The following EFCAB13 variants were observed in gnomAD, a reference collection of about 807,000 sequenced individuals.
EFCAB13 encodes EF-hand calcium-binding domain-containing protein 13.
A neutral mutation model predicts 110.2 loss-of-function variants in EFCAB13; 91 were observed. That is an observed-to-expected ratio of 0.83 (90% CI 0.70 to 0.98). The LOEUF (loss-of-function observed/expected upper bound fraction) is 0.98, where lower values mean the gene tolerates loss of function less well. EFCAB13 is among the 50% of genes least tolerant of loss of function. The pLI is 0.00. For synonymous variants in EFCAB13, 323 were observed against 369.9 expected, an observed-to-expected ratio of 0.87 and a Z score of 1.45; for missense variants, 968 against 1,119.4, an observed-to-expected ratio of 0.86 and a Z score of 1.93.
At chr17:47,424,180 C>T (rs1904842542) in intron 23 of EFCAB13, among the ~76,000 whole-genome samples, 1 of 152,196 alleles carries the variant, frequency 6.6e-6, no homozygotes, top group Admixed American at 6.5e-5. Context: ...ACCGGAGGAG[C>T]CGGCGCCAGC....
chr17:47,402,511 A>G (rs1286093587), intron 18 of EFCAB13, among the ~76,000 whole-genome samples: 1 of 152,236 alleles, frequency 6.6e-6, no homozygotes, highest in African/African-American at 2.4e-5. Context: ...CAGTATCTAC[A>G]CATGTAATTT....
intron 14 of EFCAB13, among the ~76,000 whole-genome samples, chr17:47,391,044 A>G (rs753594555): frequency 1.3e-5 from 2 of 152,050 alleles, no homozygotes; most frequent in Non-Finnish European, 2.9e-5. Flanking sequence ...GGCTCAAGCA[A>G]TTCTCCTACC....
chr17:47,338,006 C>T (rs1349960792), intron 5 of EFCAB13, among the ~76,000 whole-genome samples: 2 of 152,040 alleles, frequency 1.3e-5, no homozygotes, highest in Non-Finnish European at 2.9e-5. Context: ...CTCTTTGGGC[C>T]TGATAATTTA....
chr17:47,333,076 T>C (rs1406663592), intron 4 of EFCAB13, among the ~76,000 whole-genome samples: 1 of 152,220 alleles, frequency 6.6e-6, no homozygotes, highest in African/African-American at 2.4e-5. Context: ...ACACTTGTTA[T>C]CCTTTGTCTT....
intron 11 of EFCAB13, among the ~76,000 whole-genome samples, chr17:47,373,250 T>A (rs1197377020): frequency 6.6e-6 from 1 of 152,192 alleles, no homozygotes; most frequent in Non-Finnish European, 1.5e-5. Context: ...ACTTTTCAGC[T>A]CTTGATTTTT....
At chr17:47,383,947 T>TAC (rs1467980292) in intron 14 of EFCAB13, among the ~76,000 whole-genome samples, 1 of 152,224 alleles carries the variant, frequency 6.6e-6, no homozygotes, top group Non-Finnish European at 1.5e-5. Context: ...TGTGAAATTC[T>TAC]CTCACTTTCA....
At chr17:47,409,899 A>G (rs557050040) in intron 21 of EFCAB13, among the ~76,000 whole-genome samples, 2 of 152,222 alleles carry the variant, frequency 1.3e-5, no homozygotes, top group Admixed American at 1.3e-4. Flanking sequence ...AAAATCCTCC[A>G]TGCCCTATCT....
Position 47,409,001 on chromosome 17 carries a change from A to G in EFCAB13, c.2234-646A>G, listed in dbSNP as rs1195842418. Among the ~76,000 whole-genome samples the G allele has an allele frequency of 2.6e-5, 4 of 152,240 alleles. No individual in the cohort carries two copies. In the East Asian group the frequency reaches 7.7e-4, roughly 29 times the overall value. On this transcript the variant is annotated intron_variant, in intron 20 of 24. Coordinates refer to ENST00000331493, the MANE Select transcript of EFCAB13 (RefSeq NM_152347.5). ...TATCCTGCTTAAAACAAAAATACAA[A>G]TTAAGGCAAATATAATTTATGTGTA...
At chr17:47,420,662 G>A (rs571779170) in intron 23 of EFCAB13, among the ~76,000 whole-genome samples, 3 of 149,498 alleles carry the variant, frequency 2.0e-5, no homozygotes, top group South Asian at 2.1e-4. Flanking sequence ...GGTGAGGAGC[G>A]TCTCTGCCCG....
chr17:47,412,192 G>A (rs1362264129), intron 21 of EFCAB13, among the ~76,000 whole-genome samples: 3 of 152,246 alleles, frequency 2.0e-5, no homozygotes, highest in South Asian at 2.1e-4. Context: ...GGACTGCCCC[G>A]TTTGGTTATG....
Position 47,440,576 on chromosome 17 carries a change from A to T in EFCAB13, c.2784A>T (p.Ile928=), listed in dbSNP as rs535306413. 3 of 1,613,366 alleles carry T rather than the reference A, an allele frequency of 1.9e-6. No homozygotes were observed. The South Asian group carries it at 3.3e-5, about 18-fold the overall frequency. ...CAGTGGTTTACATGTTAAAAACAAT[A>T]CAGGATTCGATAGTTAAAGCACAGG... ...RQAVVYMLKT[I]QDSIVKAQVS... is the part of the protein sequence containing the mutation. The change falls in exon 25 of 25, where the codon ATA becomes ATT. Residue 928 remains isoleucine (I), a synonymous_variant. Coordinates refer to ENST00000331493, the MANE Select transcript of EFCAB13 (RefSeq NM_152347.5).
rs781762550 is a variant in EFCAB13, at chr17:47,374,757, G to T, written c.1163G>T (p.Gly388Val). The part of the protein sequence containing the change: ...VGVQEPYSKN[G>V]INFKKHSEKG... ...GTCCAAGAACCATATTCAAAGAATG[G>T]CATAAACTTTAAAAAACATTCAGAG... Residue 388 changes from glycine to valine, a missense_variant, in exon 12 of 25, where the codon GGC becomes GTC. Gly to Val is a moderately radical substitution (Grantham distance 109). Coordinates refer to ENST00000331493, the MANE Select transcript of EFCAB13 (RefSeq NM_152347.5). 1 of 1,613,986 alleles carries T rather than the reference G, an allele frequency of 6.2e-7. No homozygotes were observed. The highest frequency in any genetic ancestry group is 2.2e-5 in the East Asian group (1 of 44,850).
At chr17:47,427,318 TA>T (rs774613626) in intron 23 of EFCAB13, among the ~76,000 whole-genome samples, 1 of 152,132 alleles carries the variant, frequency 6.6e-6, no homozygotes, top group Non-Finnish European at 1.5e-5. Flanking sequence ...GTTACCATAG[TA>T]ATTACTGTCT....
At chr17:47,407,530 C>T (rs2065811488) in intron 20 of EFCAB13, among the ~76,000 whole-genome samples, 1 of 151,998 alleles carries the variant, frequency 6.6e-6, no homozygotes, top group Non-Finnish European at 1.5e-5. Flanking sequence ...CTGTTTGTAG[C>T]ATTGAATGAG....
At chr17:47,440,405 T>A (rs56089045) in intron 24 of EFCAB13, 26 bp from the exon 25 acceptor site, 121,389 of 1,524,422 alleles carry the variant, frequency 0.08, 6,384 homozygotes, top group East Asian at 0.28. Context: ...TTCTTTCTTT[T>A]AAGTAAATTA....
intron 9 of EFCAB13, among the ~76,000 whole-genome samples, chr17:47,351,466 A>G (rs1322847676): frequency 6.6e-6 from 1 of 152,200 alleles, no homozygotes; most frequent in African/African-American, 2.4e-5. Context: ...TTGGGCATAT[A>G]TACCTAGTAG....
chr17:47,325,965 A>T, intron 2 of EFCAB13, among the ~76,000 whole-genome samples: 1 of 79,854 alleles, frequency 1.3e-5, no homozygotes, highest in Non-Finnish European at 2.5e-5. Flanking sequence ...TATATATAGC[A>T]TATATATATT....
chr17:47,365,392 C>T (rs2065540424), intron 10 of EFCAB13, among the ~76,000 whole-genome samples: 1 of 151,906 alleles, frequency 6.6e-6, no homozygotes, highest in Non-Finnish European at 1.5e-5. Context: ...TATCTTTTGA[C>T]CAGGAAAATA....
At chr17:47,336,272 G>C in intron 5 of EFCAB13, among the ~76,000 whole-genome samples, 1 of 150,788 alleles carries the variant, frequency 6.6e-6, no homozygotes, top group South Asian at 2.1e-4. Flanking sequence ...GACTACAGGC[G>C]TGCGCCGTCA....
Sources: allele counts gnomAD v4.1 joint callset (sites outside exome capture counted in the v4.1 genomes callset), GRCh38; gene constraint gnomAD v4.1.1; transcripts MANE v1.5; gene names NCBI Gene and HGNC (gene_info 2026-07-23, HGNC 2026-07-21).